Variants in ERBB4 observed in about 807,000 individuals in gnomAD.
ERBB4 encodes receptor tyrosine-protein kinase erbB-4.
Under a neutral mutation model 158.0 loss-of-function variants are expected in ERBB4, and 42 were observed. The observed-to-expected ratio is 0.27, with a 90% confidence interval of 0.21 to 0.34. ERBB4 has a LOEUF of 0.34. Among genes scored for constraint, ERBB4 ranks in the 10% least tolerant of loss-of-function variants. The probability of loss-of-function intolerance (pLI) is 1.00; values close to 1 mark genes in which losing one functional copy is unlikely to be tolerated. For missense variants in ERBB4, 1,333 were observed against 1,624.1 expected (o/e 0.82, Z 3.08); for synonymous variants, 583 against 558.7 (o/e 1.04, Z -0.61).
In ERBB4 at chr2:212,180,133, T is replaced by C. The variant is rs545358479; in HGVS notation, c.83-55230A>G. ...AATTGGTTTTGCTGATCAAAAACTT[T>C]TCCATTAGGTACCAAAATGTAACAT... On this transcript the variant is annotated intron_variant, in intron 1 of 27. Transcript: ENST00000342788. Among the ~76,000 whole-genome samples the C allele has an allele frequency of 6.5e-4, 99 of 151,784 alleles. 2 individuals are homozygous for C. The highest frequency in any genetic ancestry group is 2.3e-3 in the African/African-American group (96 of 41,504).
intron 12 of ERBB4, among the ~76,000 whole-genome samples, chr2:211,679,916 G>C (rs935894476): frequency 6.6e-6 from 1 of 152,156 alleles, no homozygotes; most frequent in Non-Finnish European, 1.5e-5. Context: ...CTGACCTCAA[G>C]TGATCCACTC....
intron 25 of ERBB4, among the ~76,000 whole-genome samples, chr2:211,396,980 T>G (rs2062933489): frequency 6.6e-6 from 1 of 152,146 alleles, no homozygotes; most frequent in South Asian, 2.1e-4. Context: ...TAATGTACTG[T>G]GAATACTCTG....
At chr2:211,631,088 G>C (rs2070107188) in intron 16 of ERBB4, among the ~76,000 whole-genome samples, 1 of 152,074 alleles carries the variant, frequency 6.6e-6, no homozygotes, top group Non-Finnish European at 1.5e-5. Flanking sequence ...GAAGTGTCCT[G>C]TGCATTTTAG....
Position 211,784,477 on chromosome 2 carries a change from A to G in ERBB4, c.556+3548T>C, listed in dbSNP as rs531132162. On this transcript the variant is annotated intron_variant, in intron 4 of 27. Transcript: ENST00000342788. The stretch of plus-strand genomic sequence containing the variant: ...TAATATTTCATCATTGTATGTATAT[A>G]CTGCATTTTGTTTATTCAATCATCC... Among the ~76,000 whole-genome samples, 79 of 152,252 alleles carry G rather than the reference A, an allele frequency of 5.2e-4. No individual in the cohort carries two copies. In the Middle Eastern group the frequency reaches 0.01, roughly 20 times the overall value.
chr2:211,435,851 G>A (rs952563442), intron 20 of ERBB4, among the ~76,000 whole-genome samples: 1 of 152,138 alleles, frequency 6.6e-6, no homozygotes, highest in Non-Finnish European at 1.5e-5. Flanking sequence ...CCCTTGCTGT[G>A]GCAATTCTAA....
At chr2:212,486,170 A>T (rs983635267) in intron 1 of ERBB4, among the ~76,000 whole-genome samples, 5 of 151,902 alleles carry the variant, frequency 3.3e-5, no homozygotes, top group Non-Finnish European at 7.4e-5. Flanking sequence ...AAAATAAGGG[A>T]GGTATAATAA....
chr2:211,953,251 G>A (rs914951001), intron 2 of ERBB4, among the ~76,000 whole-genome samples: 1 of 151,916 alleles, frequency 6.6e-6, no homozygotes. Flanking sequence ...ATGCCCTAGG[G>A]GAGGGATAGC....
chr2:212,329,980 T>A lies in ERBB4; in HGVS notation c.83-205077A>T, dbSNP rs138066557. ...CCACTGAAATCAAAAACCATCTGGC[T>A]GTAGATCAATCTCTGAAGTTCCACC... is the stretch of plus-strand genomic sequence containing the variant. On this transcript the variant is annotated intron_variant, in intron 1 of 27. Transcript: ENST00000342788. Among the ~76,000 whole-genome samples, 24 of 152,182 alleles carry A rather than the reference T, an allele frequency of 1.6e-4. 1 individual carries two copies. The East Asian group carries it at 4.7e-3, about 30-fold the overall frequency.
chr2:212,405,660 C>T (rs77330977), intron 1 of ERBB4, among the ~76,000 whole-genome samples: 1 of 152,188 alleles, frequency 6.6e-6, no homozygotes, highest in Middle Eastern at 3.4e-3. Context: ...TATATTTTCA[C>T]AATTAATCAT....
intron 3 of ERBB4, among the ~76,000 whole-genome samples, chr2:211,829,983 T>C (rs1464201670): frequency 2.0e-5 from 3 of 152,044 alleles, no homozygotes; most frequent in Admixed American, 6.6e-5. Flanking sequence ...ATAACCCCCA[T>C]CCCCCTGGGT....
intron 19 of ERBB4, among the ~76,000 whole-genome samples, chr2:211,570,175 G>T (rs900143018): frequency 6.6e-6 from 1 of 151,760 alleles, no homozygotes; most frequent in Non-Finnish European, 1.5e-5. Context: ...TTTTTGAGAC[G>T]GAGTCTCACT....
At chr2:211,971,523 T>G (rs1161523672) in intron 2 of ERBB4, among the ~76,000 whole-genome samples, 3 of 152,020 alleles carry the variant, frequency 2.0e-5, no homozygotes, top group African/African-American at 7.2e-5. Flanking sequence ...TCCAAAAAAT[T>G]GAGAAGGACC....
intron 1 of ERBB4, among the ~76,000 whole-genome samples, chr2:212,198,653 C>T (rs894840657): frequency 5.9e-5 from 9 of 151,532 alleles, no homozygotes; most frequent in African/African-American, 2.2e-4. Flanking sequence ...CAGTTTACTG[C>T]AACCTCTGCC....
intron 1 of ERBB4, among the ~76,000 whole-genome samples, chr2:212,293,416 G>A (rs893366057): frequency 2.0e-5 from 3 of 151,766 alleles, no homozygotes; most frequent in African/African-American, 7.3e-5. Flanking sequence ...TAGAAAAATA[G>A]CTCCAAATCA....
intron 1 of ERBB4, among the ~76,000 whole-genome samples, chr2:212,288,503 G>A (rs1013421316): frequency 9.2e-5 from 14 of 152,108 alleles, no homozygotes; most frequent in African/African-American, 3.4e-4. Context: ...TGGAGCCTCA[G>A]GAAGTTCACG....
chr2:211,932,411 G>C (rs1339614211), intron 3 of ERBB4, among the ~76,000 whole-genome samples: 1 of 151,928 alleles, frequency 6.6e-6, no homozygotes, highest in African/African-American at 2.4e-5. Flanking sequence ...AATAATCAGA[G>C]TAAAAAATTA....
intron 2 of ERBB4, among the ~76,000 whole-genome samples, chr2:211,953,316 T>C (rs1344116498): frequency 6.6e-6 from 1 of 151,908 alleles, no homozygotes; most frequent in East Asian, 1.9e-4. Context: ...CAAACCACCA[T>C]GGCACATGTA....
intron 1 of ERBB4, among the ~76,000 whole-genome samples, chr2:212,382,568 T>C (rs1396697764): frequency 6.6e-6 from 1 of 150,964 alleles, no homozygotes; most frequent in Non-Finnish European, 1.5e-5. Context: ...ATGTATATTT[T>C]CCCTGAATTT....
intron 19 of ERBB4, among the ~76,000 whole-genome samples, chr2:211,592,144 AG>A (rs2068487780): frequency 6.6e-6 from 1 of 152,166 alleles, no homozygotes; most frequent in South Asian, 2.1e-4. Context: ...TTCCAGATGC[AG>A]GGGCTTTAAG....
Sources: allele counts gnomAD v4.1 joint callset (sites outside exome capture counted in the v4.1 genomes callset), GRCh38; gene constraint gnomAD v4.1.1; transcripts MANE v1.5; gene names NCBI Gene and HGNC (gene_info 2026-07-23, HGNC 2026-07-21).